Variants in NRXN3 observed in about 807,000 individuals in gnomAD.
NRXN3 encodes the protein neurexin III.
NRXN3 carries 32 observed loss-of-function variants against 137.6 expected under a neutral mutation model. That is an observed-to-expected ratio of 0.23 (90% CI 0.18 to 0.31). The LOEUF (loss-of-function observed/expected upper bound fraction) is 0.31, where lower values mean the gene tolerates loss of function less well. Among genes scored for constraint, NRXN3 ranks in the 10% least tolerant of loss-of-function variants. The pLI is 1.00. For synonymous variants in NRXN3, 798 were observed against 784.5 expected (o/e 1.02, Z -0.29); for missense variants, 1,574 against 2,062.5 (o/e 0.76, Z 4.59).
At chr14:79,653,843 C>T (rs1242264118) in intron 16 of NRXN3, among the ~76,000 whole-genome samples, 1 of 152,160 alleles carries the variant, frequency 6.6e-6, no homozygotes, top group Non-Finnish European at 1.5e-5. Flanking sequence ...CAGTAAAGGA[C>T]AGCAGAAGCT....
intron 4 of NRXN3, among the ~76,000 whole-genome samples, chr14:78,361,140 C>T (rs7152051): frequency 0.99 from 150,600 of 152,310 alleles, 74,471 homozygotes; most frequent in East Asian, 1. Flanking sequence ...ATCTTAGCCC[C>T]TTCTGAACTA....
At chr14:78,980,210 C>T (rs1250998426) in intron 14 of NRXN3, among the ~76,000 whole-genome samples, 1 of 152,224 alleles carries the variant, frequency 6.6e-6, no homozygotes, top group East Asian at 1.9e-4. Context: ...GGTCACCAGC[C>T]TTGGCCCTCT....
At chr14:78,374,641 T>C (rs1352895155) in intron 4 of NRXN3, among the ~76,000 whole-genome samples, 2 of 151,690 alleles carry the variant, frequency 1.3e-5, no homozygotes, top group African/African-American at 4.8e-5. Context: ...GTGGTATCCT[T>C]CGCCTATAAT....
chr14:78,594,807 A>G (rs1397798294), intron 4 of NRXN3, among the ~76,000 whole-genome samples: 1 of 152,238 alleles, frequency 6.6e-6, no homozygotes, highest in Non-Finnish European at 1.5e-5. Context: ...TCTGAGGAAT[A>G]GCAGCTACCA....
intron 19 of NRXN3, among the ~76,000 whole-genome samples, chr14:79,706,304 T>G (rs1360389558): frequency 1.3e-5 from 2 of 152,204 alleles, no homozygotes; most frequent in Admixed American, 6.5e-5. Context: ...CCTTTCCAGT[T>G]TCTTCTTCTT....
chr14:79,176,432 G>C (rs1418770844), intron 15 of NRXN3, among the ~76,000 whole-genome samples: 1 of 152,156 alleles, frequency 6.6e-6, no homozygotes, highest in East Asian at 1.9e-4. Flanking sequence ...CTATGGTGTT[G>C]AATAGGTGAT....
intron 15 of NRXN3, among the ~76,000 whole-genome samples, chr14:79,358,960 G>A (rs573599795): frequency 2.0e-5 from 3 of 152,310 alleles, no homozygotes; most frequent in Admixed American, 1.3e-4. Flanking sequence ...ATGGGAGATG[G>A]GAGGAAGCTA....
chr14:78,747,643 GA>G (rs2098616765), intron 8 of NRXN3, among the ~76,000 whole-genome samples: 1 of 152,142 alleles, frequency 6.6e-6, no homozygotes, highest in African/African-American at 2.4e-5. Context: ...GAGTTCTGTA[GA>G]ATATGATATT....
At chr14:78,661,314 T>C (rs2097840123) in intron 6 of NRXN3, among the ~76,000 whole-genome samples, 1 of 152,244 alleles carries the variant, frequency 6.6e-6, no homozygotes, top group African/African-American at 2.4e-5. Flanking sequence ...AGAAAAGTAC[T>C]ATGGACCTCA....
intron 19 of NRXN3, among the ~76,000 whole-genome samples, chr14:79,785,308 CT>C (rs1253417115): frequency 6.6e-6 from 1 of 152,206 alleles, no homozygotes; most frequent in Admixed American, 6.5e-5. Flanking sequence ...CCTGGAGCCA[CT>C]TACACCTCCT....
At chr14:78,376,349 T>A (rs1476020718) in intron 4 of NRXN3, among the ~76,000 whole-genome samples, 1 of 152,218 alleles carries the variant, frequency 6.6e-6, no homozygotes, top group Non-Finnish European at 1.5e-5. Context: ...AACCCACTGT[T>A]GCCACATGTC....
At chr14:79,298,084 G>C (rs1053445753) in intron 15 of NRXN3, among the ~76,000 whole-genome samples, 2 of 151,796 alleles carry the variant, frequency 1.3e-5, no homozygotes, top group African/African-American at 4.8e-5. Flanking sequence ...TTTTATTTAA[G>C]TTCCTCATTT....
intron 4 of NRXN3, among the ~76,000 whole-genome samples, chr14:78,474,663 T>C (rs1407799349): frequency 6.6e-6 from 1 of 152,204 alleles, no homozygotes; most frequent in Non-Finnish European, 1.5e-5. Context: ...TAGTTGCCAA[T>C]GTTGTTTGCA....
chr14:78,952,872 A>G (rs953757235), intron 10 of NRXN3, among the ~76,000 whole-genome samples: 3 of 152,182 alleles, frequency 2.0e-5, no homozygotes, highest in Admixed American at 1.3e-4. Flanking sequence ...CCTCCACCCA[A>G]GCAAAAGTTT....
At chr14:78,314,298 A>T (rs1010378460) in intron 4 of NRXN3, among the ~76,000 whole-genome samples, 1 of 152,308 alleles carries the variant, frequency 6.6e-6, no homozygotes, top group Non-Finnish European at 1.5e-5. Context: ...AATGTATATT[A>T]CTCAGGGCAG....
chr14:79,278,098 A>C (rs1250763345), intron 15 of NRXN3, among the ~76,000 whole-genome samples: 2 of 152,100 alleles, frequency 1.3e-5, no homozygotes, highest in Non-Finnish European at 2.9e-5. Flanking sequence ...GGGGGTTTGA[A>C]ATGAGAGTGG....
chr14:78,438,935 G>A (rs1211376518), intron 4 of NRXN3, among the ~76,000 whole-genome samples: 2 of 152,078 alleles, frequency 1.3e-5, no homozygotes, highest in African/African-American at 4.8e-5. Context: ...GACGTGCTTG[G>A]TGTCTTTTGC....
intron 9 of NRXN3, among the ~76,000 whole-genome samples, chr14:78,806,953 G>C (rs2098875167): frequency 1.3e-5 from 2 of 152,198 alleles, no homozygotes; most frequent in Admixed American, 6.5e-5. Flanking sequence ...GTAGCACAGA[G>C]AGAAATATAT....
chr14:79,069,163 A>G (rs2099684361), intron 15 of NRXN3, among the ~76,000 whole-genome samples: 4 of 152,092 alleles, frequency 2.6e-5, no homozygotes, highest in South Asian at 2.1e-4. Flanking sequence ...TGGCAGCAAG[A>G]GAACAGCAGA....
Sources: gnomAD v4.1 joint callset for allele counts (sites outside exome capture counted in the v4.1 genomes callset) on GRCh38, gnomAD v4.1.1 for gene constraint, MANE v1.5 for transcripts, NCBI Gene and HGNC (gene_info 2026-07-23, HGNC 2026-07-21) for gene names.